The following CACNB2 variants were observed in gnomAD, a reference collection of about 807,000 sequenced individuals.
CACNB2 encodes voltage-dependent L-type calcium channel subunit beta-2.
A neutral mutation model predicts 73.3 loss-of-function variants in CACNB2; 42 were observed. The observed-to-expected ratio is 0.57, with a 90% CI of 0.45 to 0.74. The LOEUF (loss-of-function observed/expected upper bound fraction) is 0.74, where lower values mean the gene tolerates loss of function less well. Among genes scored for constraint, CACNB2 ranks in the 30% least tolerant of loss-of-function variants. The probability of loss-of-function intolerance (pLI) is 0.00; values close to 1 mark genes in which losing one functional copy is unlikely to be tolerated. For missense variants in CACNB2, 940 were observed against 853.0 expected (o/e 1.10, Z -1.27); for synonymous variants, 348 against 310.3 (o/e 1.12, Z -1.28).
intron 3 of CACNB2, among the ~76,000 whole-genome samples, chr10:18,491,992 C>A (rs566844546): frequency 6.6e-6 from 1 of 152,204 alleles, no homozygotes; most frequent in South Asian, 2.1e-4. Context: ...CACAGTTCTG[C>A]AAGCTGTACA....
chr10:18,513,666 A>G, intron 6 of CACNB2: 1 of 221,678 alleles, frequency 4.5e-6, no homozygotes, highest in Non-Finnish European at 9.1e-6. Context: ...ATAGTCTAAA[A>G]TAAACATAAA....
intron 3 of CACNB2, among the ~76,000 whole-genome samples, chr10:18,447,240 T>C (rs542379209): frequency 3.9e-5 from 6 of 152,252 alleles, no homozygotes; most frequent in Non-Finnish European, 8.8e-5. Context: ...CATCACCTTA[T>C]CTTGTTGTTA....
intron 2 of CACNB2, among the ~76,000 whole-genome samples, chr10:18,323,683 T>C (rs761502344): frequency 4.6e-5 from 7 of 152,138 alleles, no homozygotes; most frequent in Non-Finnish European, 1.0e-4. Context: ...TAAGAGTGAG[T>C]CTCAATACTG....
At chr10:18,300,301 C>T (rs1176613915) in intron 2 of CACNB2, among the ~76,000 whole-genome samples, 6 of 152,284 alleles carry the variant, frequency 3.9e-5, no homozygotes, top group African/African-American at 1.4e-4. Flanking sequence ...GGATTATAGG[C>T]GTGAGCCACC....
chr10:18,340,428 AT>A (rs2041183650), intron 2 of CACNB2, among the ~76,000 whole-genome samples: 1 of 152,152 alleles, frequency 6.6e-6, no homozygotes, highest in African/African-American at 2.4e-5. Context: ...GTAGAAAAAT[AT>A]TTTTACTTTT....
intron 1 of CACNB2, among the ~76,000 whole-genome samples, chr10:18,149,469 A>T (rs1256999540): frequency 6.6e-6 from 1 of 152,228 alleles, no homozygotes; most frequent in Non-Finnish European, 1.5e-5. Flanking sequence ...TATTATATAA[A>T]TCCCTTAGAT....
intron 2 of CACNB2, among the ~76,000 whole-genome samples, chr10:18,303,260 C>A (rs1017676455): frequency 9.2e-5 from 14 of 152,232 alleles, no homozygotes; most frequent in Admixed American, 2.6e-4. Flanking sequence ...CCCAGCACTT[C>A]GGGAGGCCAA....
rs188203537 is a variant in CACNB2 at position 18,297,258 on chromosome 10, C to T, written c.214-104666C>T. Among the ~76,000 whole-genome samples the T allele has an allele frequency of 2.9e-3, 441 of 152,276 alleles. 2 individuals carry two copies. Among genetic ancestry groups the T allele is most frequent in the African/African-American group, 0.01 (421 of 41,562 alleles). On this transcript the variant is annotated intron_variant, in intron 2 of 13. Coordinates refer to ENST00000324631, the MANE Select transcript of CACNB2 (RefSeq NM_201596.3). ...AGCACATCATAATCCTTTAAAAATT[C>T]CTCAGGCCAGGCACAATGGCAGATT...
intron 3 of CACNB2, among the ~76,000 whole-genome samples, chr10:18,489,371 CAA>C (rs1466857803): frequency 1.2e-5 from 1 of 84,828 alleles, no homozygotes; most frequent in African/African-American, 4.7e-5. Flanking sequence ...GCCTGGGCAA[CAA>C]GAGTGAAACT....
At chr10:18,237,523 G>T (rs2036492527) in intron 2 of CACNB2, among the ~76,000 whole-genome samples, 1 of 152,194 alleles carries the variant, frequency 6.6e-6, no homozygotes, top group African/African-American at 2.4e-5. Context: ...CTCAGAAATG[G>T]CATGGCCTTG....
intron 2 of CACNB2, among the ~76,000 whole-genome samples, chr10:18,230,768 A>G (rs2036194457): frequency 6.6e-6 from 1 of 152,158 alleles, no homozygotes; most frequent in African/African-American, 2.4e-5. Flanking sequence ...TATTTCTTTA[A>G]TGTAAATGAT....
intron 3 of CACNB2, among the ~76,000 whole-genome samples, chr10:18,454,199 G>A (rs2047155486): frequency 6.6e-6 from 1 of 152,168 alleles, no homozygotes; most frequent in South Asian, 2.1e-4. Flanking sequence ...GAACATTCAG[G>A]GGAAGTAGTA....
At chr10:18,501,444 G>A (rs1180846039) in intron 5 of CACNB2, among the ~76,000 whole-genome samples, 2 of 152,202 alleles carry the variant, frequency 1.3e-5, no homozygotes, top group East Asian at 1.9e-4. Context: ...AAAGAGAAGC[G>A]AAGTATGAAA....
intron 2 of CACNB2, among the ~76,000 whole-genome samples, chr10:18,158,435 A>G (rs2032215002): frequency 6.6e-6 from 1 of 152,202 alleles, no homozygotes; most frequent in Non-Finnish European, 1.5e-5. Flanking sequence ...ACATAAAGCT[A>G]TAGTTATCTT....
chr10:18,167,057 C>T (rs2032907852), intron 2 of CACNB2, among the ~76,000 whole-genome samples: 1 of 152,208 alleles, frequency 6.6e-6, no homozygotes, highest in African/African-American at 2.4e-5. Flanking sequence ...GCCTCCCTTG[C>T]TACTCCACCT....
chr10:18,382,591 CG>C (rs1478062338), intron 2 of CACNB2, among the ~76,000 whole-genome samples: 2 of 152,022 alleles, frequency 1.3e-5, no homozygotes, highest in Admixed American at 6.5e-5. Flanking sequence ...TCCCTGTGTC[CG>C]TGTGTTCTCA....
Position 18,539,291 on chromosome 10 carries a change from AAGAAG to A in CACNB2, c.1552_1556del (p.Glu518ThrfsTer2). ...CCTATCCGTTCTGCTTCCCAAGCTG[AAGAAG>A]AACCTAGTGTGGAACCAGTCAAGAA... On this transcript the variant is annotated frameshift_variant, in exon 14 of 14. Transcript: ENST00000324631. LOFTEE classifies it high-confidence loss of function. 6.2e-7 allele frequency: 1 copy of A among 1,613,972 alleles called. No homozygotes were observed.
chr10:18,519,572 T>C (rs751290087), intron 9 of CACNB2: 59 of 389,592 alleles, frequency 1.5e-4, no homozygotes, highest in Non-Finnish European at 2.7e-4. Context: ...GAAGTATCCA[T>C]ACAGAGCCGT....
intron 2 of CACNB2, among the ~76,000 whole-genome samples, chr10:18,228,231 G>A (rs1171419232): frequency 1.3e-5 from 2 of 151,856 alleles, no homozygotes; most frequent in African/African-American, 2.4e-5. Context: ...CGAGACCAGC[G>A]TGGTCAACAT....
Sources: gnomAD v4.1 joint callset for allele counts (sites outside exome capture counted in the v4.1 genomes callset) on GRCh38, gnomAD v4.1.1 for gene constraint, MANE v1.5 for transcripts, NCBI Gene and HGNC (gene_info 2026-07-23, HGNC 2026-07-21) for gene names.